NMU: variants seen among roughly 807,000 people sequenced by gnomAD.
The protein encoded by NMU is neuromedin U.
Under a neutral mutation model 35.4 loss-of-function variants are expected in NMU, and 29 were observed. The observed-to-expected ratio is 0.82, with a 90% CI of 0.61 to 1.12. The LOEUF (loss-of-function observed/expected upper bound fraction) is 1.12, where lower values mean the gene tolerates loss of function less well. NMU is among the 50% of genes most tolerant of loss of function. The pLI is 0.00. For missense variants in NMU, 199 were observed against 206.2 expected, an observed-to-expected ratio of 0.97 and a Z score of 0.21; for synonymous variants, 78 against 81.3, an observed-to-expected ratio of 0.96 and a Z score of 0.22.
At chr4:55,633,322 C>T (rs951646636) in intron 1 of NMU, among the ~76,000 whole-genome samples, 1 of 140,658 alleles carries the variant, frequency 7.1e-6, no homozygotes, top group African/African-American at 2.6e-5. Flanking sequence ...GAGATTCTGT[C>T]TCCAACAAAA....
intron 2 of NMU, among the ~76,000 whole-genome samples, chr4:55,625,987 C>T (rs1734513053): frequency 6.6e-6 from 1 of 152,108 alleles, no homozygotes; most frequent in Admixed American, 6.6e-5. Flanking sequence ...CTGTCCTCCA[C>T]TTATGGATCT....
Position 55,599,176 on chromosome 4 carries a change from C to G in NMU, c.495G>C (p.Arg165=). Residue 165 remains arginine, a synonymous_variant, in exon 9 of 10, where the codon CGG becomes CGC. Transcript: ENST00000264218. ...QSRGYFLFRP[R]NGRRSAGFI is the part of the protein sequence containing the mutation. ...TGAACCCTGCTGACCTTCTTCCATT[C>G]CGTGGCTGAAAAATAATAGATTAGA... 6.2e-7 allele frequency: 1 copy of G among 1,606,120 alleles called. No individual in the cohort carries two copies. The highest frequency in any genetic ancestry group is 1.1e-5 in the South Asian group (1 of 90,854).
At chr4:55,609,033 T>C (rs1733819734) in intron 4 of NMU, 87 bp downstream of exon 4, 2 of 1,093,832 alleles carry the variant, frequency 1.8e-6, no homozygotes, top group Non-Finnish European at 2.8e-6. Context: ...GCATGCTTCC[T>C]AAATTGGGCA....
chr4:55,605,369 C>T lies in NMU; in HGVS notation c.361-20G>A. 1 of 1,586,640 alleles carries T rather than the reference C, an allele frequency of 6.3e-7. No homozygotes were observed. On this transcript the variant is annotated intron_variant, in intron 6 of 9. Coordinates refer to ENST00000264218, the MANE Select transcript of NMU (RefSeq NM_006681.4). Reference sequence around the variant, plus strand: ...TGACGACTGAGAGGACATGAACACACACGTGAATAAGTGCATGGCTTCTCA... The same window carrying T: ...TGACGACTGAGAGGACATGAACACATACGTGAATAAGTGCATGGCTTCTCA...
At position 55,596,982 on chromosome 4, in the gene NMU, T is replaced by A. The variant is rs111605697; in HGVS notation, c.*5-1571A>T. ...TTGATGTGAAATTTTACCAAAAGCA[T>A]CTGTTGAGATTATCATAATTTTTCT... On this transcript the variant is annotated intron_variant, in intron 9 of 9. Transcript: ENST00000264218. 1.4e-3 allele frequency among the ~76,000 whole-genome samples: 209 copies of A among 152,300 alleles called. 2 individuals are homozygous for A. Among genetic ancestry groups the A allele is most frequent in the African/African-American group, 4.6e-3 (193 of 41,590 alleles).
At chr4:55,605,859 C>T (rs1225563098) in intron 6 of NMU, among the ~76,000 whole-genome samples, 1 of 152,134 alleles carries the variant, frequency 6.6e-6, no homozygotes, top group East Asian at 1.9e-4. Context: ...GTGAAAATGA[C>T]AATGTGTTCT....
rs1734657373 is a variant in NMU, at chr4:55,629,072, A to G, written c.171+1330T>C. Among the ~76,000 whole-genome samples, 5 of 152,242 alleles carry G rather than the reference A, an allele frequency of 3.3e-5. No individual in the cohort carries two copies. The South Asian group carries it at 1.0e-3, about 32-fold the overall frequency. ...TTTACCAAAATACTATATATATCCA[A>G]ACAGAAGAGATATTTGTTATACTTT... is the stretch of plus-strand genomic sequence containing the variant. On this transcript the variant is annotated intron_variant, in intron 2 of 9. Coordinates refer to ENST00000264218, the MANE Select transcript of NMU (RefSeq NM_006681.4).
intron 2 of NMU, among the ~76,000 whole-genome samples, chr4:55,625,846 G>C (rs956618244): frequency 6.6e-6 from 1 of 151,504 alleles, no homozygotes; most frequent in East Asian, 1.9e-4. Context: ...CTAGTGTGTT[G>C]CTTCAAGTGC....
intron 7 of NMU, among the ~76,000 whole-genome samples, chr4:55,602,636 G>A (rs1179400157): frequency 1.3e-5 from 2 of 152,092 alleles, no homozygotes; most frequent in African/African-American, 4.8e-5. Flanking sequence ...TTCATAACTC[G>A]AGCAAACACT....
At position 55,636,055 on chromosome 4, in the gene NMU, A is replaced by C. The variant is rs1221593977; in HGVS notation, c.112+26T>G. ...CAGAGAGAGGCGCGCATGGCGTGGA[A>C]GCGGCCGGGTGCGGGGCCGTCTTAC... On this transcript the variant is annotated intron_variant, in intron 1 of 9. Coordinates refer to ENST00000264218, the MANE Select transcript of NMU (RefSeq NM_006681.4). This position sits in a 1 kb window ranked among gnomAD's most constrained non-coding sequence, Gnocchi z 4.0. The C allele has an allele frequency of 4.6e-6, 7 of 1,532,048 alleles. No homozygotes were observed. The South Asian group carries it at 4.8e-5, about 10-fold the overall frequency. 94.9% of individuals were successfully genotyped at this position (1,532,048 alleles called of 1,614,324 possible). A position where few individuals can be genotyped will look rare whatever the true frequency, so the allele number is the denominator to read the frequency against.
At position 55,603,926 on chromosome 4, in the gene NMU, A is replaced by ATATAT. The variant is rs1392634941; in HGVS notation, c.435+1348_435+1349insATATA. On this transcript the variant is annotated intron_variant, in intron 7 of 9. Coordinates refer to ENST00000264218, the MANE Select transcript of NMU (RefSeq NM_006681.4). ...GAGTCCGTCTCAAAAAAAAAAAAAAAATATATATATATATATATATGTATA... is the reference window on the plus strand; with the variant it reads ...GAGTCCGTCTCAAAAAAAAAAAAAAATATATATATATATATATATATATATGTATA... 1.2e-3 allele frequency among the ~76,000 whole-genome samples: 52 copies of ATATAT among 43,496 alleles called. 6 individuals carry two copies. The highest frequency in any genetic ancestry group is 1.5e-3 in the Non-Finnish European group (39 of 25,362). 28.5% of individuals were successfully genotyped at this position (43,496 alleles called of 152,430 possible).
intron 2 of NMU, among the ~76,000 whole-genome samples, chr4:55,627,734 GAAC>G (rs1734590674): frequency 6.6e-6 from 1 of 152,176 alleles, no homozygotes; most frequent in Non-Finnish European, 1.5e-5. Flanking sequence ...AAAATCTCCT[GAAC>G]TCTCAAACGA....
At chr4:55,610,459 TCTC>T (rs1254773552) in intron 3 of NMU, among the ~76,000 whole-genome samples, 1 of 144,544 alleles carries the variant, frequency 6.9e-6, no homozygotes, top group Non-Finnish European at 1.5e-5. Context: ...TGAGACTCTG[TCTC>T]AGAAAAAAAA....
intron 3 of NMU, among the ~76,000 whole-genome samples, chr4:55,613,196 T>C (rs936419723): frequency 1.3e-5 from 2 of 152,124 alleles, no homozygotes; most frequent in African/African-American, 4.8e-5. Flanking sequence ...AAAATACCTA[T>C]TTAGTACTAT....
At chr4:55,607,567 A>G in intron 4 of NMU, 101 bp from the exon 5 acceptor site, 1 of 432,908 alleles carries the variant, frequency 2.3e-6, no homozygotes, top group Non-Finnish European at 4.1e-6. Flanking sequence ...TATTTAAAAC[A>G]CATGACTCAT....
At chr4:55,612,078 T>C (rs1362861097) in intron 3 of NMU, among the ~76,000 whole-genome samples, 2 of 152,192 alleles carry the variant, frequency 1.3e-5, no homozygotes, top group Non-Finnish European at 2.9e-5. Flanking sequence ...GGGAGTTGGC[T>C]GCGAGAAAAA....
At chr4:55,598,089 G>GTTTTTTTTTTTTTTTTTTTTTTTTTTGT (rs10588154) in intron 9 of NMU, among the ~76,000 whole-genome samples, 1 of 85,394 alleles carries the variant, frequency 1.2e-5, no homozygotes, top group Non-Finnish European at 2.2e-5. Flanking sequence ...TTTGGTTGTG[G>GTTTTTTTTTTTTTTTTTTTTTTTTTTGT]TTTTTTTTTT....
chr4:55,604,662 G>A (rs962517043), intron 7 of NMU, among the ~76,000 whole-genome samples: 6 of 128,496 alleles, frequency 4.7e-5, no homozygotes, highest in Admixed American at 4.4e-4. Context: ...ACAGGCATGC[G>A]CCAATATGCC....
chr4:55,612,121 C>T (rs1468120693), intron 3 of NMU, among the ~76,000 whole-genome samples: 1 of 152,206 alleles, frequency 6.6e-6, no homozygotes, highest in Non-Finnish European at 1.5e-5. Flanking sequence ...TCCTTTCTCA[C>T]TGGTTATATT....
Sources: gnomAD v4.1 joint callset for allele counts (sites outside exome capture counted in the v4.1 genomes callset) on GRCh38, gnomAD v4.1.1 for gene constraint, Gnocchi (gnomAD v3.1) non-coding constraint, MANE v1.5 for transcripts, NCBI Gene and HGNC (gene_info 2026-07-23, HGNC 2026-07-21) for gene names.